The following IGSF5 variants were observed in gnomAD, a reference collection of about 807,000 sequenced individuals.
The protein encoded by IGSF5 is immunoglobulin superfamily member 5.
IGSF5 carries 41 observed loss-of-function variants against 39.4 expected under a neutral mutation model. The ratio of observed to expected loss-of-function variants is 1.04; its 90% CI spans 0.81 to 1.35. The LOEUF (loss-of-function observed/expected upper bound fraction) is 1.35, where lower values mean the gene tolerates loss of function less well. IGSF5 is among the 40% of genes most tolerant of loss of function. The pLI is 0.00. For synonymous variants in IGSF5, 183 were observed against 175.3 expected, an observed-to-expected ratio of 1.04 and a Z score of -0.34; for missense variants, 487 against 494.6, an observed-to-expected ratio of 0.98 and a Z score of 0.15.
At chr21:39,763,545 G>A (rs1303686597) in intron 2 of IGSF5, among the ~76,000 whole-genome samples, 6 of 152,194 alleles carry the variant, frequency 3.9e-5, no homozygotes. Flanking sequence ...ATAAAGACTG[G>A]CCTTGGAGTG....
chr21:39,738,705 C>T, the IGSF5 span, among the ~76,000 whole-genome samples: 1 of 151,686 alleles, frequency 6.6e-6, no homozygotes, highest in Non-Finnish European at 1.5e-5. The surrounding 1 kb of genome is among the most constrained non-coding windows in gnomAD (Gnocchi z 6.4). Flanking sequence ...GGCGAGTAGA[C>T]ACACAGGTGA....
chr21:39,793,596 T>C lies in IGSF5; in HGVS notation c.1111T>C (p.Cys371Arg), dbSNP rs370621688. ...SSDPEQRNSSCGPPHQRADQR... is the reference protein window; with the variant it reads ...SSDPEQRNSSRGPPHQRADQR... ...TGATCCTGAACAAAGAAACAGTAGC[T>C]GTGGCCCTCCTCACCAGGTAGTTTA... The change falls in exon 8 of 9, where the codon TGT becomes CGT. Residue 371 changes from cysteine to arginine, a missense_variant. Physicochemically the swap from Cys to Arg is radical, Grantham distance 180. Coordinates refer to ENST00000380588, the MANE Select transcript of IGSF5 (RefSeq NM_001080444.2). 7 of 1,613,980 alleles carry C rather than the reference T, an allele frequency of 4.3e-6. No individual in the cohort carries two copies. Among genetic ancestry groups the C allele is most frequent in the East Asian group, 4.5e-5 (2 of 44,882 alleles).
chr21:39,800,443 A>G (rs970872171), intron 8 of IGSF5, among the ~76,000 whole-genome samples: 1 of 152,260 alleles, frequency 6.6e-6, no homozygotes, highest in Non-Finnish European at 1.5e-5. Flanking sequence ...AGCAAACGAC[A>G]GTAGGAATCT....
intron 2 of IGSF5, among the ~76,000 whole-genome samples, chr21:39,758,493 A>G (rs886691743): frequency 6.6e-6 from 1 of 152,150 alleles, no homozygotes; most frequent in Non-Finnish European, 1.5e-5. Context: ...CCTGACTCAG[A>G]AATCACCTCC....
At chr21:39,749,305 T>C (rs1270635945) in intron 2 of IGSF5, among the ~76,000 whole-genome samples, 1 of 151,648 alleles carries the variant, frequency 6.6e-6, no homozygotes, top group Non-Finnish European at 1.5e-5. Context: ...CTCCGCCTCC[T>C]GGGCTCAAGT....
At chr21:39,763,772 C>A (rs142654629) in intron 2 of IGSF5, among the ~76,000 whole-genome samples, 2 of 152,230 alleles carry the variant, frequency 1.3e-5, no homozygotes, top group Non-Finnish European at 2.9e-5. Context: ...CATCACGGAC[C>A]CTCGGGGCGC....
intron 5 of IGSF5, among the ~76,000 whole-genome samples, chr21:39,780,356 C>T (rs1331478843): frequency 6.6e-6 from 1 of 152,114 alleles, no homozygotes; most frequent in Non-Finnish European, 1.5e-5. Flanking sequence ...TTAGGAAGAC[C>T]AAGATCTTCA....
chr21:39,724,072 TAAAATAAA>T, the IGSF5 span, among the ~76,000 whole-genome samples: 42 of 3,112 alleles, frequency 0.013, no homozygotes, highest in African/African-American at 0.025. Context: ...TCTCAAAAAA[TAAAATAAA>T]ATAAAATAAA....
the IGSF5 span, among the ~76,000 whole-genome samples, chr21:39,721,277 G>A: frequency 2.0e-5 from 3 of 152,138 alleles, no homozygotes; most frequent in Non-Finnish European, 4.4e-5. Flanking sequence ...GGTAAAGTGA[G>A]TATAATAATA....
chr21:39,779,439 G>A (rs1224651475), intron 5 of IGSF5, 134 bp downstream of exon 5: 11 of 1,131,106 alleles, frequency 9.7e-6, no homozygotes, highest in Non-Finnish European at 1.4e-5. Context: ...AGAAACTGTG[G>A]TTGCACACTG....
the IGSF5 span, among the ~76,000 whole-genome samples, chr21:39,719,488 C>T: frequency 6.6e-6 from 1 of 152,168 alleles, no homozygotes; most frequent in Non-Finnish European, 1.5e-5. Flanking sequence ...GAGGCTTCCT[C>T]TGGATCAGGT....
chr21:39,797,516 G>A (rs746314515), intron 8 of IGSF5, among the ~76,000 whole-genome samples: 27 of 152,024 alleles, frequency 1.8e-4, no homozygotes, highest in Admixed American at 3.3e-4. Context: ...AGCTTGCCCG[G>A]CCTTTAAAAA....
rs141911652 is a variant in IGSF5, at chr21:39,770,603, G to A, written c.419-313G>A. 2.1e-3 allele frequency among the ~76,000 whole-genome samples: 324 copies of A among 152,034 alleles called. 3 individuals are homozygous for A. Among genetic ancestry groups the A allele is most frequent in the African/African-American group, 7.2e-3 (297 of 41,470 alleles). ...TCAGGGATTGTATAACCCCCCTATG[G>A]CATGCACTTTTCTTTCCCACATAAT... is the stretch of plus-strand genomic sequence containing the variant. On this transcript the variant is annotated intron_variant, in intron 3 of 8. Coordinates refer to ENST00000380588, the MANE Select transcript of IGSF5 (RefSeq NM_001080444.2).
the IGSF5 span, among the ~76,000 whole-genome samples, chr21:39,722,321 C>T: frequency 9.2e-5 from 14 of 152,280 alleles, no homozygotes; most frequent in East Asian, 7.7e-4. Flanking sequence ...CACCAATCGT[C>T]GGGTTTTCCT....
At chr21:39,769,079 G>A (rs1489205592) in intron 3 of IGSF5, among the ~76,000 whole-genome samples, 2 of 152,186 alleles carry the variant, frequency 1.3e-5, no homozygotes, top group African/African-American at 4.8e-5. Context: ...ATCATGCAAG[G>A]ATAAAAGGTC....
At chr21:39,734,450 A>G in the IGSF5 span, among the ~76,000 whole-genome samples, 1 of 141,840 alleles carries the variant, frequency 7.1e-6, no homozygotes, top group East Asian at 2.0e-4. Flanking sequence ...ACACACACAC[A>G]CACACACACA....
chr21:39,797,955 C>G (rs1205328324), intron 8 of IGSF5, among the ~76,000 whole-genome samples: 1 of 151,702 alleles, frequency 6.6e-6, no homozygotes, highest in Admixed American at 6.5e-5. Flanking sequence ...TATCAAACTG[C>G]CTTTCCACGC....
At chr21:39,777,610 CTATT>C (rs1441761381) in intron 4 of IGSF5, among the ~76,000 whole-genome samples, 10 of 152,030 alleles carry the variant, frequency 6.6e-5, no homozygotes, top group Non-Finnish European at 5.9e-5. Flanking sequence ...AAGTCTCTAT[CTATT>C]CCAGCTCATC....
chr21:39,727,035 G>GC, the IGSF5 span, among the ~76,000 whole-genome samples: 9 of 152,034 alleles, frequency 5.9e-5, no homozygotes, highest in Non-Finnish European at 1.3e-4. Context: ...TGTAACAACA[G>GC]CCAGTGTGGT....
Sources: gnomAD v4.1 joint callset for allele counts (sites outside exome capture counted in the v4.1 genomes callset) on GRCh38, gnomAD v4.1.1 for gene constraint, Gnocchi (gnomAD v3.1) non-coding constraint, MANE v1.5 for transcripts, NCBI Gene and HGNC (gene_info 2026-07-23, HGNC 2026-07-21) for gene names.